Variants in GPC6 observed in about 807,000 individuals in gnomAD.
The protein encoded by GPC6 is glypican-6.
In GPC6, 14 loss-of-function variants were observed where a neutral mutation model predicts 55.2. That is an observed-to-expected ratio of 0.25 (90% CI 0.17 to 0.40). The LOEUF (loss-of-function observed/expected upper bound fraction) is 0.40, where lower values mean the gene tolerates loss of function less well. GPC6 is among the 10% of genes least tolerant of loss of function. The pLI, the probability that GPC6 is intolerant of heterozygous loss-of-function variation, is 1.00. For missense variants in GPC6, 641 were observed against 708.5 expected, an observed-to-expected ratio of 0.90 and a Z score of 1.08; for synonymous variants, 278 against 259.6, an observed-to-expected ratio of 1.07 and a Z score of -0.68.
At chr13:94,109,486 T>C (rs1002518960) in intron 4 of GPC6, among the ~76,000 whole-genome samples, 3 of 152,170 alleles carry the variant, frequency 2.0e-5, no homozygotes, top group Non-Finnish European at 2.9e-5. Context: ...ACAATGAAGA[T>C]TCAATGACTA....
chr13:93,841,793 T>G (rs1297464207), intron 3 of GPC6, among the ~76,000 whole-genome samples: 2 of 152,190 alleles, frequency 1.3e-5, no homozygotes, highest in East Asian at 3.9e-4. Context: ...CAGAGAGCAG[T>G]GGATTTTATA....
intron 2 of GPC6, among the ~76,000 whole-genome samples, chr13:93,796,695 A>C (rs1886207639): frequency 6.6e-6 from 1 of 152,286 alleles, no homozygotes; most frequent in East Asian, 1.9e-4. Context: ...TATGACTTTA[A>C]CCTCTTCTTG....
chr13:93,650,753 G>T (rs1165515996), intron 2 of GPC6, among the ~76,000 whole-genome samples: 11 of 152,072 alleles, frequency 7.2e-5, no homozygotes, highest in Non-Finnish European at 1.5e-4. Context: ...GCGTTAATAG[G>T]TATCTCAAGT....
intron 1 of GPC6, among the ~76,000 whole-genome samples, chr13:93,474,022 A>T (rs1325724257): frequency 1.3e-5 from 2 of 152,214 alleles, no homozygotes; most frequent in African/African-American, 2.4e-5. Flanking sequence ...CACTGCAGCC[A>T]GCACCATGGC....
intron 7 of GPC6, among the ~76,000 whole-genome samples, chr13:94,386,863 A>G (rs530501045): frequency 6.6e-6 from 1 of 152,274 alleles, no homozygotes; most frequent in South Asian, 2.1e-4. Context: ...CTTGTCTTCC[A>G]TCACCTTATT....
intron 2 of GPC6, among the ~76,000 whole-genome samples, chr13:93,646,150 A>C (rs1594338618): frequency 6.6e-6 from 1 of 152,302 alleles, no homozygotes; most frequent in South Asian, 2.1e-4. Flanking sequence ...TAAACTATGG[A>C]GTTTATATTA....
intron 2 of GPC6, among the ~76,000 whole-genome samples, chr13:93,625,408 T>A (rs1186987403): frequency 6.6e-6 from 1 of 152,192 alleles, no homozygotes; most frequent in Non-Finnish European, 1.5e-5. Context: ...ACCTTCAGAC[T>A]CTAAAATCCT....
At chr13:93,498,806 TATG>T (rs1458641077) in intron 1 of GPC6, among the ~76,000 whole-genome samples, 2 of 152,196 alleles carry the variant, frequency 1.3e-5, no homozygotes, top group African/African-American at 4.8e-5. Flanking sequence ...CCATATTCTT[TATG>T]ATATTACTTT....
At chr13:93,271,852 T>C (rs1380014865) in intron 1 of GPC6, among the ~76,000 whole-genome samples, 3 of 152,204 alleles carry the variant, frequency 2.0e-5, no homozygotes, top group Admixed American at 1.3e-4. Flanking sequence ...TTTCATAGAC[T>C]GTTAAAATTT....
At chr13:93,272,957 G>A (rs1877587689) in intron 1 of GPC6, among the ~76,000 whole-genome samples, 1 of 152,128 alleles carries the variant, frequency 6.6e-6, no homozygotes, top group South Asian at 2.1e-4. Context: ...AAGGTGGTAG[G>A]TTTTATTCTC....
At chr13:93,248,929 C>T (rs1488465711) in intron 1 of GPC6, among the ~76,000 whole-genome samples, 1 of 152,186 alleles carries the variant, frequency 6.6e-6, no homozygotes, top group Non-Finnish European at 1.5e-5. Context: ...CCTTAAGGTT[C>T]TAATGGCCTT....
intron 4 of GPC6, among the ~76,000 whole-genome samples, chr13:94,268,980 G>T (rs961853452): frequency 3.9e-5 from 6 of 152,050 alleles, no homozygotes; most frequent in Non-Finnish European, 8.8e-5. Flanking sequence ...GGGCTGGGAG[G>T]GCATCCAATT....
At chr13:93,852,033 CA>C (rs1225894501) in intron 3 of GPC6, among the ~76,000 whole-genome samples, 2 of 151,600 alleles carry the variant, frequency 1.3e-5, no homozygotes, top group African/African-American at 4.8e-5. Flanking sequence ...GTGAAAAAAG[CA>C]AAATGTATTC....
chr13:94,000,434 C>G (rs1881747834), intron 3 of GPC6, among the ~76,000 whole-genome samples: 1 of 152,196 alleles, frequency 6.6e-6, no homozygotes, highest in Non-Finnish European at 1.5e-5. Flanking sequence ...TCACTGCCAT[C>G]TTTCTGTACA....
intron 7 of GPC6, among the ~76,000 whole-genome samples, chr13:94,384,017 CATAGGGATT>C (rs1413090930): frequency 1.3e-5 from 2 of 152,178 alleles, no homozygotes; most frequent in Non-Finnish European, 2.9e-5. Flanking sequence ...GTTCTCAACA[CATAGGGATT>C]ATGGGGATTG....
At chr13:94,087,720 C>T (rs1885337628) in intron 4 of GPC6, among the ~76,000 whole-genome samples, 1 of 152,152 alleles carries the variant, frequency 6.6e-6, no homozygotes, top group African/African-American at 2.4e-5. Context: ...TACTGCCCTT[C>T]AATGGGGAAA....
chr13:93,270,459 A>C (rs945271842), intron 1 of GPC6, among the ~76,000 whole-genome samples: 6 of 152,040 alleles, frequency 3.9e-5, no homozygotes, highest in Admixed American at 2.0e-4. Flanking sequence ...ATTATAAAGC[A>C]ATGTGCTTTT....
At chr13:93,797,099 A>C (rs1252791752) in intron 2 of GPC6, among the ~76,000 whole-genome samples, 1 of 74,560 alleles carries the variant, frequency 1.3e-5, no homozygotes, top group Non-Finnish European at 2.8e-5. Flanking sequence ...ATTTCTGTTA[A>C]TCTGGGCATT....
intron 1 of GPC6, among the ~76,000 whole-genome samples, chr13:93,421,964 G>C (rs1876939187): frequency 6.6e-6 from 1 of 152,064 alleles, no homozygotes. Context: ...TTACATTATA[G>C]TTGCAATTTT....
Sources: allele counts gnomAD v4.1 joint callset (sites outside exome capture counted in the v4.1 genomes callset), GRCh38; gene constraint gnomAD v4.1.1; transcripts MANE v1.5; gene names NCBI Gene and HGNC (gene_info 2026-07-23, HGNC 2026-07-21).